Variants in SIL1 observed in about 807,000 individuals in gnomAD.
The protein encoded by SIL1 is SIL1 nucleotide exchange factor, also known as nucleotide exchange factor SIL1.
A neutral mutation model predicts 49.1 loss-of-function variants in SIL1; 40 were observed. That is an observed-to-expected ratio of 0.81 (90% CI 0.63 to 1.06). The LOEUF (loss-of-function observed/expected upper bound fraction) is 1.06, where lower values mean the gene tolerates loss of function less well. SIL1 is among the 50% of genes least tolerant of loss of function. SIL1 has a pLI of 0.00. For missense variants in SIL1, 500 were observed against 572.6 expected (o/e 0.87, Z 1.29); for synonymous variants, 253 against 250.8 (o/e 1.01, Z -0.08).
In SIL1 at chr5:139,119,465, A is replaced by C. The variant is rs146987604; in HGVS notation, c.244+1570T>G. Among the ~76,000 whole-genome samples, 3 of 152,324 alleles carry C rather than the reference A, an allele frequency of 2.0e-5. No homozygotes were observed. In the East Asian group the frequency reaches 5.8e-4, roughly 29 times the overall value. On this transcript the variant is annotated intron_variant, in intron 3 of 9. Coordinates refer to ENST00000394817, the MANE Select transcript of SIL1 (RefSeq NM_022464.5). ...CTGCTCCAGGAACTTGCCTGGTTAA[A>C]AGTGGTACAAGAAAGCCAGGTGCGG...
rs1767330955 is a variant in SIL1 at position 138,973,587 on chromosome 5, A to G, written c.768-21703T>C. 2.0e-5 allele frequency among the ~76,000 whole-genome samples: 3 copies of G among 152,128 alleles called. No homozygotes were observed. In the South Asian group the frequency reaches 6.2e-4, roughly 32 times the overall value. The stretch of plus-strand genomic sequence containing the variant: ...ACTGATCCTCCTGTTGCAGCTTCCT[A>G]TGTAGCTGGGACTAGACATATGCCA... On this transcript the variant is annotated intron_variant, in intron 7 of 9. Transcript: ENST00000394817.
intron 1 of SIL1, among the ~76,000 whole-genome samples, chr5:139,176,267 T>G (rs1751880973): frequency 1.3e-5 from 2 of 152,170 alleles, no homozygotes; most frequent in Admixed American, 6.5e-5. Flanking sequence ...CAGATTTCTA[T>G]CTACATTCTG....
At chr5:139,190,416 G>A (rs561809396) in intron 1 of SIL1, among the ~76,000 whole-genome samples, 1 of 152,310 alleles carries the variant, frequency 6.6e-6, no homozygotes, top group South Asian at 2.1e-4. Context: ...TCAACCATGA[G>A]GGTATAAGAT....
At chr5:139,184,556 G>T (rs1752045373) in intron 1 of SIL1, among the ~76,000 whole-genome samples, 1 of 152,084 alleles carries the variant, frequency 6.6e-6, no homozygotes, top group African/African-American at 2.4e-5. Flanking sequence ...CATGCCTATA[G>T]TCCCAGCTCA....
intron 7 of SIL1, among the ~76,000 whole-genome samples, chr5:138,979,435 T>C (rs1330461594): frequency 3.3e-5 from 5 of 152,216 alleles, no homozygotes; most frequent in African/African-American, 1.2e-4. Context: ...GAAACACCTA[T>C]CTGTCTTGTT....
chr5:139,060,859 T>C (rs1769570357), intron 3 of SIL1, among the ~76,000 whole-genome samples: 1 of 151,882 alleles, frequency 6.6e-6, no homozygotes, highest in African/African-American at 2.4e-5. Flanking sequence ...AAGGGGAAAA[T>C]TAGCCTAGGA....
chr5:139,021,201 G>A lies in SIL1; in HGVS notation c.737C>T (p.Ala246Val). Residue 246 changes from alanine to valine, a missense_variant, in exon 7 of 10, where the codon GCT (alanine) becomes GTT (valine). Physicochemically the swap from Ala to Val is moderately conservative, Grantham distance 64. Coordinates refer to ENST00000394817, the MANE Select transcript of SIL1 (RefSeq NM_022464.5). The stretch of plus-strand genomic sequence containing the variant: ...AAAGGCAGCGCCCAGCACAAACGCA[G>A]CATACTCCTTCACGAGGGGCTCTGT... ...NSTEPLVKEY[A>V]AFVLGAAFSS... The A allele has an allele frequency of 6.2e-7, 1 of 1,614,138 alleles. No homozygotes were observed. The highest frequency in any genetic ancestry group is 8.5e-7 in the Non-Finnish European group (1 of 1,180,040).
chr5:139,015,775 C>T (rs537185698), intron 7 of SIL1, among the ~76,000 whole-genome samples: 1 of 152,352 alleles, frequency 6.6e-6, no homozygotes, highest in Non-Finnish European at 1.5e-5. Context: ...CAGAACTGGG[C>T]CACATGGCCA....
chr5:139,071,908 C>T (rs925894583), intron 3 of SIL1, among the ~76,000 whole-genome samples: 1 of 151,924 alleles, frequency 6.6e-6, no homozygotes, highest in South Asian at 2.1e-4. Context: ...CTCATGGTCC[C>T]CCCGCCTCAG....
In SIL1 at chr5:139,138,732, G is replaced by A. The variant is rs549817593; in HGVS notation, c.-10-10879C>T. On this transcript the variant is annotated intron_variant, in intron 1 of 9. Transcript: ENST00000394817. ...TAGCACAGTGCCTGACACAAAATGA[G>A]GGCTCATAAAGCTTATAGCTCTCAC... 3.9e-5 allele frequency among the ~76,000 whole-genome samples: 6 copies of A among 152,222 alleles called. No homozygotes were observed. In the South Asian group the frequency reaches 1.2e-3, roughly 32 times the overall value.
At chr5:139,189,776 G>A (rs757959300) in intron 1 of SIL1, among the ~76,000 whole-genome samples, 1 of 152,174 alleles carries the variant, frequency 6.6e-6, no homozygotes, top group Non-Finnish European at 1.5e-5. Context: ...AGCCAAGACT[G>A]TGCCACTGAA....
chr5:139,126,493 G>A (rs1750755621), intron 2 of SIL1, among the ~76,000 whole-genome samples: 1 of 152,186 alleles, frequency 6.6e-6, no homozygotes, highest in African/African-American at 2.4e-5. Flanking sequence ...ACAGCCCTGG[G>A]CCCTGAAGGT....
chr5:138,987,859 A>G (rs1581008908), intron 7 of SIL1, among the ~76,000 whole-genome samples: 1 of 152,274 alleles, frequency 6.6e-6, no homozygotes, highest in East Asian at 1.9e-4. Context: ...TTTTGAGACA[A>G]GAGTTTTGCT....
intron 7 of SIL1, among the ~76,000 whole-genome samples, chr5:138,995,533 G>A (rs991334062): frequency 2.6e-5 from 4 of 152,154 alleles, no homozygotes; most frequent in African/African-American, 9.7e-5. Flanking sequence ...GAGCCACCAC[G>A]CCCCACCTTG....
At position 138,951,218 on chromosome 5, in the gene SIL1, G is replaced by A. The variant is rs1248937363; in HGVS notation, c.982C>T (p.Leu328Phe). Residue 328 changes from leucine (L) to phenylalanine (F), a missense_variant, in exon 9 of 10, where the codon CTC (leucine) becomes TTC (phenylalanine). Coordinates refer to ENST00000394817, the MANE Select transcript of SIL1 (RefSeq NM_022464.5). ...AGCAGTGTGACCACGCGCACGGCGA[G>A]CACCTCCGTGCCCTTCTCCTGCACC... ...TLVQEKGTEVLAVRVVTLLYD... is the reference protein window; with the variant it reads ...TLVQEKGTEVFAVRVVTLLYD... The A allele has an allele frequency of 1.2e-6, 2 of 1,608,504 alleles. No individual in the cohort carries two copies. The highest frequency in any genetic ancestry group is 1.7e-5 in the Admixed American group (1 of 59,580).
intron 3 of SIL1, among the ~76,000 whole-genome samples, chr5:139,093,132 C>T (rs1424193489): frequency 6.6e-6 from 1 of 152,008 alleles, no homozygotes; most frequent in Non-Finnish European, 1.5e-5. Context: ...CTCTTTTGTT[C>T]CCCCCCACAA....
chr5:139,070,584 C>A (rs1339921732), intron 3 of SIL1, among the ~76,000 whole-genome samples: 1 of 152,066 alleles, frequency 6.6e-6, no homozygotes, highest in East Asian at 1.9e-4. Context: ...TCAAACCAGA[C>A]AGCAAGAAAA....
At chr5:139,132,317 T>C (rs1164483961) in intron 1 of SIL1, among the ~76,000 whole-genome samples, 1 of 152,036 alleles carries the variant, frequency 6.6e-6, no homozygotes, top group Non-Finnish European at 1.5e-5. Context: ...AGAGAAATGG[T>C]AGCTCCCACA....
rs111270869 is a variant in SIL1, at chr5:139,002,163, T to C, written c.767+19008A>G. Among the ~76,000 whole-genome samples, 830 of 150,940 alleles carry C rather than the reference T, an allele frequency of 5.5e-3. 4 individuals carry two copies. The highest frequency in any genetic ancestry group is 0.019 in the African/African-American group (795 of 41,020). ...GAGGTCGGGCTGCAGTGAACCAAGA[T>C]CATGCCACTGCATTCCAGCCTGGGT... On this transcript the variant is annotated intron_variant, in intron 7 of 9. Coordinates refer to ENST00000394817, the MANE Select transcript of SIL1 (RefSeq NM_022464.5).
Sources: gnomAD v4.1 joint callset for allele counts (sites outside exome capture counted in the v4.1 genomes callset) on GRCh38, gnomAD v4.1.1 for gene constraint, MANE v1.5 for transcripts, NCBI Gene and HGNC (gene_info 2026-07-23, HGNC 2026-07-21) for gene names.